The following SAMD5 variants were observed in gnomAD, a reference collection of about 807,000 sequenced individuals.
SAMD5 encodes sterile alpha motif domain-containing protein 5.
In SAMD5, 13 loss-of-function variants were observed where a neutral mutation model predicts 11.3. The observed-to-expected ratio is 1.15, with a 90% CI of 0.75 to 1.83. The LOEUF (loss-of-function observed/expected upper bound fraction) is 1.83, where lower values mean the gene tolerates loss of function less well. Among genes scored for constraint, SAMD5 ranks in the 40% most tolerant of loss-of-function variants. The probability of loss-of-function intolerance (pLI) is 0.00; values close to 1 mark genes in which losing one functional copy is unlikely to be tolerated. For synonymous variants in SAMD5, 129 were observed against 111.3 expected, an observed-to-expected ratio of 1.16 and a Z score of -1.00; for missense variants, 255 against 239.1, an observed-to-expected ratio of 1.07 and a Z score of -0.44.
chr6:147,621,100 G>A (rs11155509), intron 1 of SAMD5, among the ~76,000 whole-genome samples: 76,699 of 151,946 alleles, frequency 0.5, 20,491 homozygotes, highest in South Asian at 0.67. Context: ...CTTACGTGTC[G>A]GGCTAATCAC....
chr6:147,868,105 T>C, the SAMD5 span, among the ~76,000 whole-genome samples: 1 of 152,226 alleles, frequency 6.6e-6, no homozygotes, highest in Non-Finnish European at 1.5e-5. Context: ...AGAAAACTTA[T>C]TTTGGAACAG....
chr6:147,737,784 A>C (rs928693492), downstream of SAMD5, among the ~76,000 whole-genome samples: 1 of 148,924 alleles, frequency 6.7e-6, no homozygotes. Context: ...TATATATTAC[A>C]TACACATGCA....
chr6:147,913,885 G>A, the SAMD5 span, among the ~76,000 whole-genome samples: 1 of 152,188 alleles, frequency 6.6e-6, no homozygotes, highest in South Asian at 2.1e-4. Flanking sequence ...GGGTGCATGT[G>A]CGTGCTTCCT....
chr6:147,820,090 G>A, the SAMD5 span, among the ~76,000 whole-genome samples: 3 of 152,162 alleles, frequency 2.0e-5, no homozygotes, highest in Non-Finnish European at 4.4e-5. Flanking sequence ...CCTACTGAGA[G>A]TGGATAAGAA....
At chr6:147,776,592 G>A in the SAMD5 span, among the ~76,000 whole-genome samples, 1 of 152,172 alleles carries the variant, frequency 6.6e-6, no homozygotes, top group African/African-American at 2.4e-5. Context: ...TCCACAGCAG[G>A]ATGAACTGAG....
Position 147,509,802 on chromosome 6 carries a change from T to C in SAMD5, c.459+415T>C, listed in dbSNP as rs548557221. On this transcript the variant is annotated intron_variant, in intron 1 of 1. Transcript: ENST00000367474. ...CCTTCCTTTTTCTCTTTCTTTTCCT[T>C]TTTTGAGTCTTGAGAAACTCCTAAG... Among the ~76,000 whole-genome samples, 14 of 152,320 alleles carry C rather than the reference T, an allele frequency of 9.2e-5. No individual in the cohort carries two copies. In the South Asian group the frequency reaches 2.5e-3, roughly 27 times the overall value.
At chr6:147,522,309 G>T (rs1174499107) in intron 1 of SAMD5, among the ~76,000 whole-genome samples, 1 of 152,054 alleles carries the variant, frequency 6.6e-6, no homozygotes, top group African/African-American at 2.4e-5. Flanking sequence ...TTATCCTGCT[G>T]CTGGCTGTCA....
the SAMD5 span, among the ~76,000 whole-genome samples, chr6:147,789,179 T>C: frequency 9.2e-5 from 14 of 151,394 alleles, no homozygotes; most frequent in East Asian, 2.1e-3. Flanking sequence ...GGCAGAAGGA[T>C]TGCTTAAGCC....
At chr6:147,575,501 G>T (rs1789205225) in intron 1 of SAMD5, among the ~76,000 whole-genome samples, 1 of 152,212 alleles carries the variant, frequency 6.6e-6, no homozygotes, top group Non-Finnish European at 1.5e-5. Flanking sequence ...ATCAATAGCT[G>T]CCAGTCAAAA....
At chr6:147,647,784 GA>G (rs1403167968) in intron 1 of SAMD5, among the ~76,000 whole-genome samples, 13 of 152,244 alleles carry the variant, frequency 8.5e-5, no homozygotes, top group African/African-American at 2.9e-4. Flanking sequence ...CTTCCAAGAG[GA>G]AATTTAGGCA....
chr6:147,784,640 A>G, the SAMD5 span, among the ~76,000 whole-genome samples: 4 of 152,236 alleles, frequency 2.6e-5, no homozygotes, highest in African/African-American at 7.2e-5. Flanking sequence ...TTCCTTCAAG[A>G]CAATACAAAT....
At chr6:147,862,256 G>A in the SAMD5 span, among the ~76,000 whole-genome samples, 2 of 152,106 alleles carry the variant, frequency 1.3e-5, no homozygotes, top group African/African-American at 4.8e-5. Context: ...TCCCTCGAGA[G>A]TATGTTTCTA....
intron 1 of SAMD5, among the ~76,000 whole-genome samples, chr6:147,619,706 G>A (rs1223233723): frequency 6.6e-6 from 1 of 152,150 alleles, no homozygotes; most frequent in African/African-American, 2.4e-5. Flanking sequence ...GCAGTATCAG[G>A]GCCTACAGAT....
chr6:147,900,574 A>C, the SAMD5 span, among the ~76,000 whole-genome samples: 2 of 152,174 alleles, frequency 1.3e-5, no homozygotes, highest in Non-Finnish European at 2.9e-5. Context: ...TCGGCAGCTC[A>C]CCTGCCGAGG....
the SAMD5 span, among the ~76,000 whole-genome samples, chr6:147,875,484 G>A: frequency 7.9e-5 from 12 of 152,020 alleles, no homozygotes; most frequent in Non-Finnish European, 1.5e-4. Context: ...ATTTCCATTC[G>A]ACTATCTCAT....
chr6:147,734,711 T>TA lies in SAMD5; in HGVS notation c.163-2575dup, dbSNP rs61482319. On this transcript the variant is annotated intron_variant, in intron 1 of 1. Transcript: ENST00000566741. Reference sequence around the variant, plus strand: ...CTGGGCGGCAGAGCGAGACTCCATCTAAAAAAAAAAAAAAAAAAAAAAAAA... The same window carrying TA: ...CTGGGCGGCAGAGCGAGACTCCATCTAAAAAAAAAAAAAAAAAAAAAAAAAA... 1.2e-3 allele frequency among the ~76,000 whole-genome samples: 32 copies of TA among 26,108 alleles called. 1 individual carries two copies. The highest frequency in any genetic ancestry group is 7.6e-3 in the East Asian group (7 of 916). The allele number at this position is 26,108 out of a possible 152,430, so 17.1% of individuals were successfully genotyped here. A position where few individuals can be genotyped will look rare whatever the true frequency, so the allele number is the denominator to read the frequency against.
chr6:147,574,881 A>G (rs1210346542), downstream of SAMD5, among the ~76,000 whole-genome samples: 5 of 152,214 alleles, frequency 3.3e-5, no homozygotes, highest in African/African-American at 1.2e-4. Context: ...TTTTGAAGGG[A>G]ACATATTCAA....
chr6:147,879,783 GA>G, the SAMD5 span, among the ~76,000 whole-genome samples: 1 of 152,122 alleles, frequency 6.6e-6, no homozygotes, highest in Non-Finnish European at 1.5e-5. Context: ...TGTTCACCTA[GA>G]AACCAACTGG....
At chr6:147,590,786 C>A (rs761601019) in intron 1 of SAMD5, among the ~76,000 whole-genome samples, 1 of 152,100 alleles carries the variant, frequency 6.6e-6, no homozygotes, top group African/African-American at 2.4e-5. Context: ...TTTGGTAAAG[C>A]GAATGCTTTC....
Sources: allele counts gnomAD v4.1 joint callset (sites outside exome capture counted in the v4.1 genomes callset), GRCh38; gene constraint gnomAD v4.1.1; transcripts MANE v1.5; gene names NCBI Gene and HGNC (gene_info 2026-07-23, HGNC 2026-07-21).